The following PARD3 variants were observed in gnomAD, a reference collection of about 807,000 sequenced individuals.
PARD3 encodes the protein partitioning defective 3 homolog.
PARD3 carries 75 observed loss-of-function variants against 155.4 expected under a neutral mutation model. The observed-to-expected ratio is 0.48, with a 90% CI of 0.40 to 0.58. PARD3 has a LOEUF of 0.58. Among genes scored for constraint, PARD3 ranks in the 20% least tolerant of loss-of-function variants. The pLI, the probability that PARD3 is intolerant of heterozygous loss-of-function variation, is 0.00. For synonymous variants in PARD3, 576 were observed against 610.5 expected (o/e 0.94, Z 0.83); for missense variants, 1,642 against 1,721.7 (o/e 0.95, Z 0.82).
At chr10:34,663,046 G>A (rs1024109564) in intron 2 of PARD3, among the ~76,000 whole-genome samples, 1 of 152,194 alleles carries the variant, frequency 6.6e-6, no homozygotes, top group Non-Finnish European at 1.5e-5. Context: ...AGGGTGTGGG[G>A]CTGGGAGCAG....
In PARD3 at chr10:34,272,243, G is replaced by A. The variant is rs912492423; in HGVS notation, c.3177-2344C>T. Among the ~76,000 whole-genome samples the A allele has an allele frequency of 9.2e-5, 14 of 152,238 alleles. No homozygotes were observed. The East Asian group carries it at 1.2e-3, about 13-fold the overall frequency. ...TAAGGGATTCTTTAGGAACTAGTGC[G>A]TGGAGAAGGGTTTTTAGGACTAATA... On this transcript the variant is annotated intron_variant, in intron 21 of 24. Coordinates refer to ENST00000374788, the MANE Select transcript of PARD3 (RefSeq NM_001184785.2).
intron 5 of PARD3, among the ~76,000 whole-genome samples, chr10:34,414,345 C>T (rs1845436939): frequency 6.6e-6 from 1 of 152,158 alleles, no homozygotes; most frequent in Admixed American, 6.5e-5. Context: ...TATGGCTCAG[C>T]TGTTTTCTCA....
At chr10:34,607,267 A>G (rs1293102313) in intron 2 of PARD3, among the ~76,000 whole-genome samples, 1 of 152,212 alleles carries the variant, frequency 6.6e-6, no homozygotes, top group Non-Finnish European at 1.5e-5. Context: ...AACACAGGCA[A>G]TATGTATTTG....
intron 1 of PARD3, 42 bp downstream of exon 1, chr10:34,814,834 C>G: frequency 1.7e-6 from 2 of 1,178,904 alleles, no homozygotes; most frequent in Non-Finnish European, 2.4e-6. Context: ...CGGCGCCGTC[C>G]CCGCCGCCGC....
intron 5 of PARD3, among the ~76,000 whole-genome samples, chr10:34,432,777 G>C (rs1386973602): frequency 6.6e-6 from 1 of 152,170 alleles, no homozygotes; most frequent in Non-Finnish European, 1.5e-5. Context: ...GCCCATCCTT[G>C]CAGGTAAGCA....
chr10:34,386,018 G>C (rs541338847), intron 7 of PARD3, among the ~76,000 whole-genome samples: 1 of 152,146 alleles, frequency 6.6e-6, no homozygotes, highest in Non-Finnish European at 1.5e-5. Flanking sequence ...TGATGAAACT[G>C]AAATAAATTA....
intron 2 of PARD3, among the ~76,000 whole-genome samples, chr10:34,612,061 C>T (rs931267231): frequency 6.6e-6 from 1 of 151,750 alleles, no homozygotes; most frequent in Admixed American, 6.6e-5. Context: ...CCCCTCACCT[C>T]GTGATCCGCC....
chr10:34,634,813 G>A (rs1465108029), intron 2 of PARD3, among the ~76,000 whole-genome samples: 1 of 152,200 alleles, frequency 6.6e-6, no homozygotes, highest in Non-Finnish European at 1.5e-5. Flanking sequence ...AGTTTGTTGG[G>A]TGATTTCTAG....
chr10:34,405,394 C>A (rs1302234360), intron 5 of PARD3, among the ~76,000 whole-genome samples: 1 of 152,058 alleles, frequency 6.6e-6, no homozygotes, highest in Admixed American at 6.6e-5. Context: ...AAACATATTA[C>A]CCACTCGATC....
intron 5 of PARD3, among the ~76,000 whole-genome samples, chr10:34,438,075 C>A (rs537418484): frequency 6.6e-6 from 1 of 152,212 alleles, no homozygotes; most frequent in East Asian, 1.9e-4. Flanking sequence ...GTGGCTTTCC[C>A]ACGGCTAGTG....
At chr10:34,733,709 AG>A (rs1485608190) in intron 1 of PARD3, among the ~76,000 whole-genome samples, 2 of 152,234 alleles carry the variant, frequency 1.3e-5, no homozygotes, top group African/African-American at 4.8e-5. Context: ...CATGTTGGCC[AG>A]GCTGGTCTCG....
intron 5 of PARD3, among the ~76,000 whole-genome samples, chr10:34,444,572 A>T (rs978815034): frequency 1.3e-5 from 2 of 152,182 alleles, no homozygotes; most frequent in African/African-American, 4.8e-5. Context: ...ACTCTGATGT[A>T]GGATTCAGCT....
At chr10:34,636,270 G>A (rs567617622) in intron 2 of PARD3, among the ~76,000 whole-genome samples, 15 of 152,084 alleles carry the variant, frequency 9.9e-5, no homozygotes, top group Admixed American at 2.6e-4. Flanking sequence ...TGCAATCCAC[G>A]GAGACCCACC....
intron 2 of PARD3, among the ~76,000 whole-genome samples, chr10:34,616,949 ATAAC>A (rs1229328055): frequency 1.3e-5 from 2 of 150,832 alleles, no homozygotes; most frequent in East Asian, 3.9e-4. Context: ...AAAAAAAAAA[ATAAC>A]TAAATTAAAA....
chr10:34,732,582 C>T (rs538683221), intron 1 of PARD3, among the ~76,000 whole-genome samples: 14 of 152,128 alleles, frequency 9.2e-5, no homozygotes, highest in Middle Eastern at 3.4e-3. Context: ...CCTGTAGTTC[C>T]AGCTGTTTGG....
chr10:34,573,334 C>A (rs1312249165), intron 2 of PARD3, among the ~76,000 whole-genome samples: 3 of 151,812 alleles, frequency 2.0e-5, no homozygotes, highest in South Asian at 2.1e-4. Context: ...CCAGCCTAGG[C>A]AACAGAGTAA....
At chr10:34,494,316 T>C (rs1169477137) in intron 3 of PARD3, among the ~76,000 whole-genome samples, 9 of 152,120 alleles carry the variant, frequency 5.9e-5, no homozygotes, top group Admixed American at 5.9e-4. Context: ...ATCCAAGAAA[T>C]TCAGAGGCCC....
intron 1 of PARD3, among the ~76,000 whole-genome samples, chr10:34,724,906 G>T (rs1361942142): frequency 6.6e-6 from 1 of 152,210 alleles, no homozygotes; most frequent in Non-Finnish European, 1.5e-5. Flanking sequence ...TCCGCTCAGT[G>T]AGCTGATTAG....
chr10:34,359,119 G>T, intron 14 of PARD3, 28 bp downstream of exon 14: 1 of 1,581,472 alleles, frequency 6.3e-7, no homozygotes, highest in Non-Finnish European at 8.7e-7. Context: ...TACAATTTTA[G>T]ATACTAGCAC....
Sources: gnomAD v4.1 joint callset for allele counts (sites outside exome capture counted in the v4.1 genomes callset) on GRCh38, gnomAD v4.1.1 for gene constraint, MANE v1.5 for transcripts, NCBI Gene and HGNC (gene_info 2026-07-23, HGNC 2026-07-21) for gene names.